DNAH7: variants seen among roughly 807,000 people sequenced by gnomAD.
DNAH7 encodes axonemal beta dynein heavy chain 7.
In DNAH7, 397 loss-of-function variants were observed where a neutral mutation model predicts 444.6. The observed-to-expected ratio is 0.89, with a 90% CI of 0.82 to 0.97. The LOEUF is 0.97. Ranked by LOEUF, DNAH7 falls within the 50% of genes least tolerant of loss-of-function variation. DNAH7 has a pLI of 0.00. For missense variants in DNAH7, 4,902 were observed against 4,800.8 expected (o/e 1.02, Z -0.62); for synonymous variants, 1,636 against 1,624.4 (o/e 1.01, Z -0.17).
intron 20 of DNAH7, among the ~76,000 whole-genome samples, chr2:195,935,243 G>A (rs1222723662): frequency 6.6e-6 from 1 of 152,170 alleles, no homozygotes; most frequent in Admixed American, 6.6e-5. Flanking sequence ...GTACTTTACA[G>A]TTTACTAAAT....
At chr2:196,013,434 C>A (rs1694834131) in intron 9 of DNAH7, among the ~76,000 whole-genome samples, 1 of 152,080 alleles carries the variant, frequency 6.6e-6, no homozygotes, top group African/African-American at 2.4e-5. Flanking sequence ...CTTCTTTTGA[C>A]TACAATGTTA....
At chr2:195,930,221 T>C (rs1451571964) in intron 21 of DNAH7, among the ~76,000 whole-genome samples, 2 of 152,108 alleles carry the variant, frequency 1.3e-5, no homozygotes, top group East Asian at 3.9e-4. Flanking sequence ...CGCACGCCTG[T>C]AGTACCAGCC....
At position 195,900,409 on chromosome 2, in the gene DNAH7, G is replaced by A; in HGVS notation, c.4421C>T (p.Ala1474Val). 1 of 1,614,054 alleles carries A rather than the reference G, an allele frequency of 6.2e-7. No individual in the cohort carries two copies. Among genetic ancestry groups the A allele is most frequent in the East Asian group, 2.2e-5 (1 of 44,886 alleles). Residue 1474 changes from alanine (A) to valine (V), a missense_variant, in exon 28 of 65, where the codon GCT becomes GTT. By Grantham distance (64) the Ala-to-Val change is moderately conservative. Transcript: ENST00000312428. ...IVLYSCGFVT[A>V]RPLSVKIVAT... ...CACAATTTTTACAGACAGTGGTCGA[G>A]CAGTGACAAACCCACAGGAGTATAG...
intron 59 of DNAH7, among the ~76,000 whole-genome samples, chr2:195,776,660 ACT>A (rs920528751): frequency 6.6e-6 from 1 of 151,972 alleles, no homozygotes; most frequent in African/African-American, 2.4e-5. Context: ...TATTCTGTTT[ACT>A]CTTACTGTAA....
intron 21 of DNAH7, among the ~76,000 whole-genome samples, chr2:195,931,087 C>A (rs985901872): frequency 6.6e-6 from 1 of 152,110 alleles, no homozygotes; most frequent in African/African-American, 2.4e-5. Context: ...GTACTATGCT[C>A]AGTACCTGGG....
chr2:196,019,251 G>C lies in DNAH7; in HGVS notation c.788C>G (p.Ala263Gly), dbSNP rs1256310880. Residue 263 changes from alanine (A) to glycine (G), a missense_variant, in exon 9 of 65, where the codon GCA (alanine) becomes GGA (glycine). Transcript: ENST00000312428. ...CAAGTGATCCCTAATATAACTGCTT[G>C]CAGCTAAAAAAGATTTCCTCCAAGG... ...PKPWRKSFLA[A>G]SSYIRDHLNA... 7.3e-6 allele frequency: 11 copies of C among 1,504,058 alleles called. No homozygotes were observed. Among genetic ancestry groups the C allele is most frequent in the Non-Finnish European group, 9.9e-6 (11 of 1,111,600 alleles). 93.2% of individuals were successfully genotyped at this position (1,504,058 alleles called of 1,614,324 possible).
chr2:195,914,960 C>A (rs1020386154), intron 24 of DNAH7, among the ~76,000 whole-genome samples: 2 of 152,170 alleles, frequency 1.3e-5, no homozygotes, highest in Non-Finnish European at 2.9e-5. Context: ...CCATACCTGG[C>A]CAAAACATTT....
chr2:195,970,801 T>C (rs575109518), intron 16 of DNAH7, among the ~76,000 whole-genome samples: 1 of 152,344 alleles, frequency 6.6e-6, no homozygotes, highest in African/African-American at 2.4e-5. Context: ...AAAAATAGAT[T>C]TTCTATTTTA....
chr2:195,872,767 G>A (rs887030485), intron 39 of DNAH7, among the ~76,000 whole-genome samples: 2 of 152,086 alleles, frequency 1.3e-5, no homozygotes, highest in African/African-American at 4.8e-5. Context: ...AAGGAACCCA[G>A]ATTATGTAAT....
chr2:195,796,604 C>A lies in DNAH7; in HGVS notation c.10487G>T (p.Trp3496Leu). The A allele has an allele frequency of 6.2e-7, 1 of 1,614,088 alleles. No individual in the cohort carries two copies. The highest frequency in any genetic ancestry group is 8.5e-7 in the Non-Finnish European group (1 of 1,179,988). Residue 3496 changes from tryptophan (W) to leucine (L), a missense_variant, in exon 56 of 65, where the codon TGG (tryptophan) becomes TTG (leucine). Physicochemically the swap from Trp to Leu is moderately conservative, Grantham distance 61. Coordinates refer to ENST00000312428, the MANE Select transcript of DNAH7 (RefSeq NM_018897.3). ...VLQNCHLATS[W>L]MPTLEKVCEE... is the part of the protein sequence containing the mutation. ...ACAGACTTTCTCAAGGGTTGGCATCCAAGAGGTGGCAAGGTGACAATTCTG... is the reference window on the plus strand; with the variant it reads ...ACAGACTTTCTCAAGGGTTGGCATCAAAGAGGTGGCAAGGTGACAATTCTG...
At chr2:196,011,727 A>G (rs1455214956) in intron 10 of DNAH7, among the ~76,000 whole-genome samples, 1 of 152,196 alleles carries the variant, frequency 6.6e-6, no homozygotes, top group Non-Finnish European at 1.5e-5. Context: ...AGGAAGCATC[A>G]AGAGATACAG....
At chr2:195,992,252 C>T (rs914395835) in intron 12 of DNAH7, among the ~76,000 whole-genome samples, 8 of 152,240 alleles carry the variant, frequency 5.3e-5, no homozygotes, top group Non-Finnish European at 7.3e-5. Context: ...CTCCCTCTCC[C>T]TCCTCCACCC....
In DNAH7 at chr2:195,979,993, C is replaced by A. The variant is rs577667749; in HGVS notation, c.1833+4639G>T. 3.1e-5 allele frequency among the ~76,000 whole-genome samples: 4 copies of A among 128,434 alleles called. No individual in the cohort carries two copies. In the East Asian group the frequency reaches 1.0e-3, roughly 33 times the overall value. 84.3% of individuals were successfully genotyped at this position (128,434 alleles called of 152,430 possible). A position where few individuals can be genotyped will look rare whatever the true frequency, so the allele number is the denominator to read the frequency against. On this transcript the variant is annotated intron_variant, in intron 15 of 64. Coordinates refer to ENST00000312428, the MANE Select transcript of DNAH7 (RefSeq NM_018897.3). ...AAATCCATAATAAAAAGTGTCCCAACAAGGAAAAGCCCACGACCTGATGGC... is the reference window on the plus strand; with the variant it reads ...AAATCCATAATAAAAAGTGTCCCAAAAAGGAAAAGCCCACGACCTGATGGC...
intron 15 of DNAH7, among the ~76,000 whole-genome samples, chr2:195,983,209 CAAAAT>C (rs1460320955): frequency 6.6e-6 from 1 of 152,012 alleles, no homozygotes; most frequent in Non-Finnish European, 1.5e-5. Context: ...GAAAAGTAAA[CAAAAT>C]GAAATGGCAA....
intron 24 of DNAH7, among the ~76,000 whole-genome samples, chr2:195,920,945 C>A (rs1163055845): frequency 6.6e-6 from 1 of 152,004 alleles, no homozygotes; most frequent in Non-Finnish European, 1.5e-5. Context: ...ATGCAAATGG[C>A]CAACAAACAT....
intron 15 of DNAH7, among the ~76,000 whole-genome samples, chr2:195,976,747 C>CAGAGAGAGAGAGTGAGAG (rs1692216775): frequency 1.1e-5 from 1 of 90,542 alleles, no homozygotes; most frequent in Non-Finnish European, 2.4e-5. Flanking sequence ...GAGAGGCAGA[C>CAGAGAGAGAGAGTGAGAG]AGAGAGAGAG....
At chr2:195,761,841 T>C (rs1694364640) in intron 61 of DNAH7, among the ~76,000 whole-genome samples, 1 of 152,180 alleles carries the variant, frequency 6.6e-6, no homozygotes, top group African/African-American at 2.4e-5. Flanking sequence ...CTAAAGGGTA[T>C]TCTACAACCT....
At chr2:195,745,569 G>T (rs867989241) in intron 63 of DNAH7, among the ~76,000 whole-genome samples, 20 of 152,258 alleles carry the variant, frequency 1.3e-4, no homozygotes, top group Middle Eastern at 3.4e-3. Flanking sequence ...TCACCAAAGT[G>T]GAAATGAAGG....
intron 30 of DNAH7, chr2:195,892,522 C>A (rs1333793608): frequency 1.3e-5 from 2 of 149,292 alleles, no homozygotes; most frequent in African/African-American, 2.5e-5. Context: ...AAAAGGTTTA[C>A]AGAAAAATTG....
Sources: allele counts gnomAD v4.1 joint callset (sites outside exome capture counted in the v4.1 genomes callset), GRCh38; gene constraint gnomAD v4.1.1; transcripts MANE v1.5; gene names NCBI Gene and HGNC (gene_info 2026-07-23, HGNC 2026-07-21).